The following CLSTN2 variants were observed in gnomAD, a reference collection of about 807,000 sequenced individuals.
The protein encoded by CLSTN2 is calsyntenin-2.
In CLSTN2, 48 loss-of-function variants were observed where a neutral mutation model predicts 101.2. That is an observed-to-expected ratio of 0.47 (90% CI 0.38 to 0.60). CLSTN2 has a LOEUF of 0.60. Among genes scored for constraint, CLSTN2 ranks in the 20% least tolerant of loss-of-function variants. The probability of loss-of-function intolerance (pLI) is 0.00; values close to 1 mark genes in which losing one functional copy is unlikely to be tolerated. For synonymous variants in CLSTN2, 481 were observed against 463.6 expected, an observed-to-expected ratio of 1.04 and a Z score of -0.48; for missense variants, 1,160 against 1,238.2, an observed-to-expected ratio of 0.94 and a Z score of 0.95.
intron 1 of CLSTN2, among the ~76,000 whole-genome samples, chr3:140,019,740 T>G (rs1484307446): frequency 2.6e-5 from 4 of 152,080 alleles, no homozygotes; most frequent in Admixed American, 1.3e-4. Flanking sequence ...TGTACTTATC[T>G]GGGTGGGATG....
intron 9 of CLSTN2, among the ~76,000 whole-genome samples, chr3:140,545,861 G>C (rs1373479368): frequency 6.6e-6 from 1 of 152,208 alleles, no homozygotes; most frequent in Admixed American, 6.5e-5. Flanking sequence ...ACAGGAATCA[G>C]GGAAGTCCTT....
intron 5 of CLSTN2, among the ~76,000 whole-genome samples, chr3:140,439,853 A>G (rs564075315): frequency 6.6e-6 from 1 of 152,348 alleles, no homozygotes; most frequent in African/African-American, 2.4e-5. Flanking sequence ...GATGATTGAT[A>G]AGTAATACGT....
intron 1 of CLSTN2, among the ~76,000 whole-genome samples, chr3:140,058,176 A>G (rs1189921737): frequency 1.3e-5 from 2 of 152,226 alleles, no homozygotes; most frequent in African/African-American, 4.8e-5. Flanking sequence ...TGAGATGACT[A>G]AGCCAGTATC....
At chr3:140,083,315 A>G (rs148081604) in intron 1 of CLSTN2, among the ~76,000 whole-genome samples, 4 of 152,364 alleles carry the variant, frequency 2.6e-5, no homozygotes, top group Middle Eastern at 3.4e-3. Flanking sequence ...TGTATTAAAT[A>G]AATGACTGGT....
At chr3:140,232,356 G>A (rs116199364) in intron 2 of CLSTN2, among the ~76,000 whole-genome samples, 545 of 152,250 alleles carry the variant, frequency 3.6e-3, no homozygotes, top group African/African-American at 0.012. Context: ...GACATTGAAT[G>A]TTAGCCACTC....
At chr3:140,265,099 T>C (rs1480755953) in intron 2 of CLSTN2, among the ~76,000 whole-genome samples, 2 of 152,176 alleles carry the variant, frequency 1.3e-5, no homozygotes, top group Non-Finnish European at 2.9e-5. Context: ...ACTGTTGTTA[T>C]TTTTAGAGGA....
At chr3:140,551,839 T>A (rs767846650) in intron 10 of CLSTN2, among the ~76,000 whole-genome samples, 107 of 146,542 alleles carry the variant, frequency 7.3e-4, no homozygotes, top group Non-Finnish European at 1.1e-3. Context: ...TAAATATATA[T>A]TATATATTTT....
intron 1 of CLSTN2, among the ~76,000 whole-genome samples, chr3:140,139,483 T>C (rs887294165): frequency 4.6e-5 from 7 of 152,142 alleles, no homozygotes; most frequent in Non-Finnish European, 7.4e-5. Flanking sequence ...GGGCTGCATA[T>C]TGGAATCATC....
At chr3:140,534,407 C>T (rs577882702) in intron 9 of CLSTN2, among the ~76,000 whole-genome samples, 1 of 152,308 alleles carries the variant, frequency 6.6e-6, no homozygotes, top group East Asian at 1.9e-4. Flanking sequence ...GAGTTACATG[C>T]CTACTGCCCA....
intron 9 of CLSTN2, among the ~76,000 whole-genome samples, chr3:140,539,296 A>G (rs1013135528): frequency 6.6e-6 from 1 of 152,228 alleles, no homozygotes; most frequent in Non-Finnish European, 1.5e-5. Context: ...AGAGGTAACT[A>G]AAAAGATGTC....
intron 2 of CLSTN2, among the ~76,000 whole-genome samples, chr3:140,359,312 T>C (rs1380120614): frequency 6.6e-6 from 1 of 152,188 alleles, no homozygotes; most frequent in African/African-American, 2.4e-5. Flanking sequence ...ACTTCTCAAA[T>C]GCAAGGCTTA....
intron 1 of CLSTN2, among the ~76,000 whole-genome samples, chr3:140,136,061 A>C (rs2009611876): frequency 6.6e-6 from 1 of 152,198 alleles, no homozygotes; most frequent in Admixed American, 6.5e-5. Flanking sequence ...GTTCCTTCAG[A>C]GCTTATTAAA....
At chr3:139,998,127 G>A (rs2006722443) in intron 1 of CLSTN2, among the ~76,000 whole-genome samples, 2 of 152,044 alleles carry the variant, frequency 1.3e-5, no homozygotes, top group African/African-American at 4.8e-5. Flanking sequence ...TGTTTGTACA[G>A]GGTCTTCTAG....
intron 5 of CLSTN2, among the ~76,000 whole-genome samples, chr3:140,426,901 G>A (rs1004502364): frequency 3.3e-5 from 5 of 152,096 alleles, no homozygotes; most frequent in African/African-American, 9.7e-5. Context: ...GGGGCTGGGC[G>A]CAGTGGCTCA....
chr3:140,011,056 C>T (rs2007062983), intron 1 of CLSTN2, among the ~76,000 whole-genome samples: 1 of 152,120 alleles, frequency 6.6e-6, no homozygotes, highest in Non-Finnish European at 1.5e-5. Context: ...GGCATGTCAC[C>T]ATGGTCAGAG....
At chr3:139,957,459 A>G (rs1188870198) in intron 1 of CLSTN2, among the ~76,000 whole-genome samples, 3 of 151,812 alleles carry the variant, frequency 2.0e-5, no homozygotes, top group Non-Finnish European at 4.4e-5. Context: ...TCTAACCTGT[A>G]TATGCCTCAA....
intron 5 of CLSTN2, among the ~76,000 whole-genome samples, chr3:140,426,819 T>C (rs1344009658): frequency 2.0e-5 from 3 of 152,174 alleles, no homozygotes; most frequent in African/African-American, 7.2e-5. Flanking sequence ...TTTTACTGTT[T>C]ATTTTCTTAT....
At chr3:140,406,949 C>T (rs532155513) in intron 4 of CLSTN2, among the ~76,000 whole-genome samples, 41 of 152,312 alleles carry the variant, frequency 2.7e-4, no homozygotes, top group Admixed American at 3.3e-4. Flanking sequence ...TAACATATGC[C>T]AATTTATTTC....
chr3:140,557,311 C>G (rs187471317), intron 11 of CLSTN2, among the ~76,000 whole-genome samples: 8 of 152,244 alleles, frequency 5.3e-5, no homozygotes, highest in Admixed American at 5.2e-4. Flanking sequence ...AAGAGAGGAA[C>G]AAGGGTGGGA....
Sources: gnomAD v4.1 joint callset for allele counts (sites outside exome capture counted in the v4.1 genomes callset) on GRCh38, gnomAD v4.1.1 for gene constraint, MANE v1.5 for transcripts, NCBI Gene and HGNC (gene_info 2026-07-23, HGNC 2026-07-21) for gene names.